TLE6: variants seen among roughly 807,000 people sequenced by gnomAD.
The protein encoded by TLE6 is transducin-like enhancer protein 6.
A neutral mutation model predicts 77.1 loss-of-function variants in TLE6; 72 were observed. That is an observed-to-expected ratio of 0.93 (90% CI 0.77 to 1.14). TLE6 has a LOEUF of 1.14. TLE6 is among the 50% of genes most tolerant of loss of function. TLE6 has a pLI of 0.00. For missense variants in TLE6, 843 were observed against 747.6 expected (o/e 1.13, Z -1.49); for synonymous variants, 366 against 287.3 (o/e 1.27, Z -2.77).
intron 2 of TLE6, among the ~76,000 whole-genome samples, chr19:2,978,610 G>C (rs896758164): frequency 6.6e-6 from 1 of 152,128 alleles, no homozygotes; most frequent in African/African-American, 2.4e-5. Flanking sequence ...AGAAGAATCA[G>C]CTGGGCCTAG....
intron 13 of TLE6, among the ~76,000 whole-genome samples, chr19:2,991,383 T>TAC (rs778438599): frequency 0.014 from 1,425 of 103,208 alleles, 35 homozygotes; most frequent in African/African-American, 0.066. Flanking sequence ...TACGTATATA[T>TAC]ATATATATAT....
At chr19:2,979,819 G>A (rs954325479) in intron 2 of TLE6, among the ~76,000 whole-genome samples, 2 of 151,176 alleles carry the variant, frequency 1.3e-5, no homozygotes, top group East Asian at 4.0e-4. Context: ...GGGGCGGGCG[G>A]GGGAGGGGGG....
chr19:2,988,077 T>C lies in TLE6; in HGVS notation c.703-14T>C. On this transcript the variant is annotated splice_polypyrimidine_tract_variant and intron_variant, in intron 10 of 16. Transcript: ENST00000246112. Reference sequence around the variant, plus strand: ...GGGGAGGCTGGGGGCAGCTGTGATCTCCCCCGCCTGCAGGAGCCTCCTGGA... The same window carrying C: ...GGGGAGGCTGGGGGCAGCTGTGATCCCCCCCGCCTGCAGGAGCCTCCTGGA... 6.4e-7 allele frequency: 1 copy of C among 1,552,524 alleles called. No homozygotes were observed.
intron 13 of TLE6, among the ~76,000 whole-genome samples, chr19:2,990,064 C>A (rs2089010453): frequency 6.6e-6 from 1 of 152,090 alleles, no homozygotes; most frequent in Non-Finnish European, 1.5e-5. Flanking sequence ...GTGACAGCCC[C>A]AAACTCAAAG....
Position 2,987,992 on chromosome 19 carries a change from G to GC in TLE6, c.702+19dup. ...TGGTCCAGGTGAGACCCAGGCCCGA[G>GC]CTGGTAGCCCAGCGTGAAGGCTGCC... is the stretch of plus-strand genomic sequence containing the variant. On this transcript the variant is annotated intron_variant, in intron 10 of 16. Coordinates refer to ENST00000246112, the MANE Select transcript of TLE6 (RefSeq NM_001143986.2). 6.2e-7 allele frequency: 1 copy of GC among 1,606,776 alleles called. No homozygotes were observed. Among genetic ancestry groups the GC allele is most frequent in the Non-Finnish European group, 8.5e-7 (1 of 1,176,536 alleles).
intron 12 of TLE6, 82 bp downstream of exon 12, chr19:2,989,395 G>T: frequency 6.3e-7 from 1 of 1,587,520 alleles, no homozygotes; most frequent in Non-Finnish European, 8.6e-7. Context: ...AGCCCAGATC[G>T]TGGAGAGAGG....
rs2088980728 is a variant in TLE6, at chr19:2,989,104, G to C, written c.784G>C (p.Asp262His). The C allele has an allele frequency of 6.2e-7, 1 of 1,614,036 alleles. No individual in the cohort carries two copies. Among genetic ancestry groups the C allele is most frequent in the Non-Finnish European group, 8.5e-7 (1 of 1,180,058 alleles). ...EDFEDAWKRP[D>H]ALPGQSKRLA... The stretch of plus-strand genomic sequence containing the variant: ...CTTTGAAGATGCATGGAAGAGGCCA[G>C]ATGCCTTGCCCGGGCAGTCAAAGAG... Residue 262 changes from aspartate (D) to histidine (H), a missense_variant, in exon 12 of 17, where the codon GAT becomes CAT. Coordinates refer to ENST00000246112, the MANE Select transcript of TLE6 (RefSeq NM_001143986.2).
intron 16 of TLE6, among the ~76,000 whole-genome samples, chr19:2,994,464 G>T (rs1333955742): frequency 6.6e-6 from 1 of 152,122 alleles, no homozygotes; most frequent in African/African-American, 2.4e-5. Context: ...CAAAAAATTA[G>T]TTGGGCGTGG....
chr19:2,994,893 C>A lies in TLE6; in HGVS notation c.1615-7C>A, dbSNP rs116114551. 667 of 1,579,992 alleles carry A rather than the reference C, an allele frequency of 4.2e-4. 1 individual carries two copies. Among genetic ancestry groups the A allele is most frequent in the African/African-American group, 6.6e-4 (49 of 74,532 alleles). On this transcript the variant is annotated splice_region_variant and splice_polypyrimidine_tract_variant and intron_variant, in intron 16 of 16. Transcript: ENST00000246112. ...CCCCAGCTCACTGCCCACTGCCCCC[C>A]CTCCAGGTGCCTGAGATGTCTCCAG...
In TLE6 at chr19:2,993,515, C is replaced by G; in HGVS notation, c.1470C>G (p.Ser490Arg). ...ANGQQWLQST[S>R]GSQRHMVGQK... is the part of the protein sequence containing the mutation. ...GCCAGCAGTGGCTGCAAAGCACCAGCGGGAGCCAGCGGCACATGGTGGGGC... is the reference window on the plus strand; with the variant it reads ...GCCAGCAGTGGCTGCAAAGCACCAGGGGGAGCCAGCGGCACATGGTGGGGC... Residue 490 changes from serine to arginine, a missense_variant, in exon 15 of 17, where the codon AGC becomes AGG. Coordinates refer to ENST00000246112, the MANE Select transcript of TLE6 (RefSeq NM_001143986.2). 1 of 1,593,382 alleles carries G rather than the reference C, an allele frequency of 6.3e-7. No homozygotes were observed. Among genetic ancestry groups the G allele is most frequent in the Non-Finnish European group, 8.6e-7 (1 of 1,164,376 alleles).
In TLE6 at chr19:2,994,921, A is replaced by G; in HGVS notation, c.1636A>G (p.Thr546Ala). ...VFEVPEMSPV[T>A]CCDVSSNNRL... ...CCAGGTGCCTGAGATGTCTCCAGTC[A>G]CGTGCTGTGACGTCTCTTCCAACAA... is the stretch of plus-strand genomic sequence containing the variant. The change falls in exon 17 of 17, where the codon ACG (threonine) becomes GCG (alanine). Residue 546 changes from threonine (T) to alanine (A), a missense_variant. Coordinates refer to ENST00000246112, the MANE Select transcript of TLE6 (RefSeq NM_001143986.2). 6.2e-7 allele frequency: 1 copy of G among 1,602,740 alleles called. No homozygotes were observed. The highest frequency in any genetic ancestry group is 2.2e-5 in the East Asian group (1 of 44,694).
chr19:2,983,300 G>A (rs1378606111), intron 5 of TLE6, among the ~76,000 whole-genome samples: 1 of 152,324 alleles, frequency 6.6e-6, no homozygotes, highest in East Asian at 1.9e-4. Flanking sequence ...CCACCCTTGG[G>A]GCGAGTGGAG....
intron 2 of TLE6, 45 bp downstream of exon 2, chr19:2,978,329 GC>G (rs752610500): frequency 1.1e-5 from 17 of 1,546,436 alleles, no homozygotes; most frequent in Non-Finnish European, 1.5e-5. Context: ...GGAAACCCGG[GC>G]CCAATGTGGT....
At chr19:2,989,461 G>C in intron 12 of TLE6, 74 bp from the exon 13 acceptor site, 1 of 1,570,682 alleles carries the variant, frequency 6.4e-7, no homozygotes, top group East Asian at 2.2e-5. Context: ...ATAGGAGTTC[G>C]CTCTCATGAG....
Position 2,994,926 on chromosome 19 carries a change from C to T in TLE6, c.1641C>T (p.Cys547=). 1.9e-6 allele frequency: 3 copies of T among 1,604,610 alleles called. No individual in the cohort carries two copies. Among genetic ancestry groups the T allele is most frequent in the East Asian group, 2.2e-5 (1 of 44,752 alleles). Residue 547 remains cysteine (C), a synonymous_variant, in exon 17 of 17, where the codon TGC becomes TGT. Transcript: ENST00000246112. The stretch of plus-strand genomic sequence containing the variant: ...TGCCTGAGATGTCTCCAGTCACGTG[C>T]TGTGACGTCTCTTCCAACAACCGCC... ...FEVPEMSPVT[C]CDVSSNNRLV...
intron 7 of TLE6, 32 bp downstream of exon 7, chr19:2,987,270 C>T (rs200096399): frequency 1.9e-6 from 3 of 1,614,134 alleles, no homozygotes; most frequent in East Asian, 4.5e-5. Context: ...GGGGAAGGGG[C>T]AGCCACAGGC....
At chr19:2,979,341 G>A (rs562387413) in intron 2 of TLE6, among the ~76,000 whole-genome samples, 20 of 151,824 alleles carry the variant, frequency 1.3e-4, no homozygotes, top group Non-Finnish European at 1.8e-4. Context: ...CCACCTCCCA[G>A]GTTCAAGTGA....
chr19:2,989,849 C>A, intron 13 of TLE6, 64 bp downstream of exon 13: 2 of 1,586,624 alleles, frequency 1.3e-6, no homozygotes, highest in East Asian at 4.5e-5. Context: ...CCTCTGCCCA[C>A]CTTACTGCTA....
chr19:2,985,202 GTGGTGCCA>G lies in TLE6; in HGVS notation c.223-1625_223-1618del, dbSNP rs2088881694. Among the ~76,000 whole-genome samples the G allele has an allele frequency of 2.6e-5, 4 of 151,902 alleles. No individual in the cohort carries two copies. In the South Asian group the frequency reaches 8.3e-4, roughly 32 times the overall value. ...GAGGCAGAGGTTACAGTGAGCAGAG[GTGGTGCCA>G]TTGCACTCCAGCCTGGGCGACAGAG... is the stretch of plus-strand genomic sequence containing the variant. On this transcript the variant is annotated intron_variant, in intron 5 of 16. Transcript: ENST00000246112.
Sources: gnomAD v4.1 joint callset for allele counts (sites outside exome capture counted in the v4.1 genomes callset) on GRCh38, gnomAD v4.1.1 for gene constraint, MANE v1.5 for transcripts, NCBI Gene and HGNC (gene_info 2026-07-23, HGNC 2026-07-21) for gene names.